The following MDH1B variants were observed in gnomAD, a reference collection of about 807,000 sequenced individuals.
MDH1B encodes the protein putative malate dehydrogenase 1B.
A neutral mutation model predicts 61.4 loss-of-function variants in MDH1B; 60 were observed. The ratio of observed to expected loss-of-function variants is 0.98; its 90% CI spans 0.79 to 1.21. The LOEUF (loss-of-function observed/expected upper bound fraction) is 1.21, where lower values mean the gene tolerates loss of function less well. Ranked by LOEUF, MDH1B falls within the 50% of genes most tolerant of loss-of-function variation. The pLI is 0.00. For missense variants in MDH1B, 587 were observed against 632.1 expected (o/e 0.93, Z 0.76); for synonymous variants, 236 against 218.7 (o/e 1.08, Z -0.70).
Position 206,754,990 on chromosome 2 carries a change from TA to T in MDH1B, c.910+18del, listed in dbSNP as rs1469872626. ...TTGTTTCAAAATAAAAACAAAAACATAAAGAGACATTCACTCACATGAAGGA... is the reference window on the plus strand; with the variant it reads ...TTGTTTCAAAATAAAAACAAAAACATAAGAGACATTCACTCACATGAAGGA... On this transcript the variant is annotated intron_variant, in intron 5 of 11. Coordinates refer to ENST00000374412, the MANE Select transcript of MDH1B (RefSeq NM_001039845.3). 1.9e-6 allele frequency: 3 copies of T among 1,601,954 alleles called. No homozygotes were observed. Among genetic ancestry groups the T allele is most frequent in the Non-Finnish European group, 2.6e-6 (3 of 1,172,540 alleles).
intron 1 of MDH1B, among the ~76,000 whole-genome samples, chr2:206,761,977 C>T (rs940219606): frequency 2.0e-5 from 3 of 152,126 alleles, no homozygotes; most frequent in Non-Finnish European, 4.4e-5. Context: ...GATAAAAGCC[C>T]CTTATCCTGG....
At chr2:206,746,249 T>G (rs757903859) in intron 8 of MDH1B, 38 bp downstream of exon 8, 1 of 1,580,020 alleles carries the variant, frequency 6.3e-7, no homozygotes, top group African/African-American at 1.4e-5. Flanking sequence ...TTAAGGTCAT[T>G]ATCAAGGTCA....
intron 9 of MDH1B, among the ~76,000 whole-genome samples, chr2:206,742,957 T>C (rs1035959360): frequency 5.3e-5 from 8 of 152,104 alleles, no homozygotes; most frequent in African/African-American, 1.9e-4. Context: ...CTTTGTGATC[T>C]GCCCACCTCG....
At chr2:206,757,176 T>C in intron 3 of MDH1B, 61 bp downstream of exon 3, 1 of 1,546,232 alleles carries the variant, frequency 6.5e-7, no homozygotes, top group Non-Finnish European at 8.8e-7. Flanking sequence ...GCAAGATATT[T>C]GAAAAATAAA....
chr2:206,741,738 G>A (rs1010946734), intron 9 of MDH1B, among the ~76,000 whole-genome samples: 15 of 152,018 alleles, frequency 9.9e-5, no homozygotes, highest in Non-Finnish European at 1.6e-4. Context: ...GTCCCTCTAC[G>A]GAACCTTGAC....
In MDH1B at chr2:206,751,734, G is replaced by A. The variant is rs182691540; in HGVS notation, c.911-659C>T. ...TGAGAAAACAACTATTATACAAAGC[G>A]ATACATGCTAAGAAGTAAAATAAGA... On this transcript the variant is annotated intron_variant, in intron 5 of 11. Coordinates refer to ENST00000374412, the MANE Select transcript of MDH1B (RefSeq NM_001039845.3). Among the ~76,000 whole-genome samples, 29 of 152,268 alleles carry A rather than the reference G, an allele frequency of 1.9e-4. No individual in the cohort carries two copies. The East Asian group carries it at 2.1e-3, about 11-fold the overall frequency.
At chr2:206,752,239 T>G (rs1234442262) in intron 5 of MDH1B, among the ~76,000 whole-genome samples, 3 of 152,204 alleles carry the variant, frequency 2.0e-5, no homozygotes, top group Non-Finnish European at 4.4e-5. Context: ...TTGCCTTTTC[T>G]CTTTTCAAAA....
chr2:206,742,344 C>T (rs531072266), intron 9 of MDH1B, among the ~76,000 whole-genome samples: 4 of 152,278 alleles, frequency 2.6e-5, no homozygotes, highest in East Asian at 3.9e-4. Context: ...GGAATGGAGA[C>T]GTGTGGGAGA....
At position 206,748,637 on chromosome 2, in the gene MDH1B, A is replaced by C. The variant is rs149708281; in HGVS notation, c.1216+383T>G. Among the ~76,000 whole-genome samples, 93 of 152,258 alleles carry C rather than the reference A, an allele frequency of 6.1e-4. No homozygotes were observed. The East Asian group carries it at 0.017, about 28-fold the overall frequency. On this transcript the variant is annotated intron_variant, in intron 7 of 11. Transcript: ENST00000374412. ...TCAAAGCTCCTCATACTTTAGGCTT[A>C]CTGTAGTGTCACCTTCTTTATGAAG...
intron 4 of MDH1B, chr2:206,756,685 AT>A (rs1688778414): frequency 5.5e-6 from 3 of 543,048 alleles, no homozygotes; most frequent in Non-Finnish European, 6.4e-6. Flanking sequence ...GTTTGTGTCT[AT>A]AAAACATAAA....
intron 10 of MDH1B, 79 bp from the exon 11 acceptor site, chr2:206,739,740 T>C (rs1434189361): frequency 1.5e-6 from 2 of 1,297,610 alleles, no homozygotes; most frequent in Non-Finnish European, 2.2e-6. Flanking sequence ...TTCTTCTATC[T>C]TGTTCCTTCC....
At chr2:206,748,978 G>A in intron 7 of MDH1B, 42 bp downstream of exon 7, 3 of 1,568,992 alleles carry the variant, frequency 1.9e-6, no homozygotes, top group Non-Finnish European at 8.8e-7. Context: ...GTTATAGATA[G>A]AGGTTTTAAG....
At chr2:206,762,113 A>G (rs1689132891) in intron 1 of MDH1B, among the ~76,000 whole-genome samples, 1 of 152,104 alleles carries the variant, frequency 6.6e-6, no homozygotes, top group South Asian at 2.1e-4. Flanking sequence ...TTGGCCCTCA[A>G]CCCTGCGTGG....
chr2:206,751,326 A>G (rs767685044), intron 5 of MDH1B, among the ~76,000 whole-genome samples: 19 of 152,256 alleles, frequency 1.2e-4, no homozygotes, highest in African/African-American at 3.9e-4. Context: ...AAATAATGAA[A>G]TGTTCCTTGA....
At position 206,764,739 on chromosome 2, in the gene MDH1B, A is replaced by G. The variant is rs534090538; in HGVS notation, c.22+511T>C. The stretch of plus-strand genomic sequence containing the variant: ...CTTTGCTTGACCTACATGAAATGCA[A>G]GGACCTGGCTCCTGCTCCTGTTGTA... On this transcript the variant is annotated intron_variant, in intron 1 of 11. Coordinates refer to ENST00000374412, the MANE Select transcript of MDH1B (RefSeq NM_001039845.3). 3.9e-5 allele frequency among the ~76,000 whole-genome samples: 6 copies of G among 152,340 alleles called. No homozygotes were observed. The South Asian group carries it at 1.0e-3, about 26-fold the overall frequency.
chr2:206,754,107 C>T (rs1688613244), intron 5 of MDH1B, among the ~76,000 whole-genome samples: 1 of 151,980 alleles, frequency 6.6e-6, no homozygotes, highest in East Asian at 1.9e-4. Flanking sequence ...GCAAGAATAC[C>T]GGAAATTATT....
In MDH1B at chr2:206,757,254, A is replaced by G. The variant is rs1688816074; in HGVS notation, c.253T>C (p.Phe85Leu). The part of the protein sequence containing the change: ...KGLLLGGYNE[F>L]LEHAQLYYDV... The stretch of plus-strand genomic sequence containing the variant: ...TTATATACCTGAGCATGCTCCAGGA[A>G]CTCATTATATCCTCCCAAAAGCAAA... The change falls in exon 3 of 12, where the codon TTC (phenylalanine) becomes CTC (leucine). Residue 85 changes from phenylalanine (F) to leucine (L), a missense_variant. Phe to Leu is a conservative substitution (Grantham distance 22). Transcript: ENST00000374412. 2 of 1,613,748 alleles carry G rather than the reference A, an allele frequency of 1.2e-6. No individual in the cohort carries two copies. Among genetic ancestry groups the G allele is most frequent in the Non-Finnish European group, 1.7e-6 (2 of 1,179,694 alleles).
chr2:206,747,520 GC>G (rs1431642751), intron 7 of MDH1B, among the ~76,000 whole-genome samples: 1 of 151,698 alleles, frequency 6.6e-6, no homozygotes, highest in Admixed American at 6.6e-5. Context: ...CAATGTTCAT[GC>G]ACCTTAACTT....
chr2:206,738,292 G>T lies in MDH1B; in HGVS notation c.*191C>A, dbSNP rs1687601147. ...AATTATTATGAAACAAACATGAGTG[G>T]ATACAAGTAATGCAAAATGACGGAA... On this transcript the variant is annotated 3_prime_UTR_variant, in exon 12 of 12. Transcript: ENST00000374412. The T allele has an allele frequency of 2.4e-6, 1 of 423,150 alleles. No homozygotes were observed. The highest frequency in any genetic ancestry group is 8.4e-5 in the South Asian group (1 of 11,880). 26.2% of individuals were successfully genotyped at this position (423,150 alleles called of 1,614,324 possible).
Sources: allele counts gnomAD v4.1 joint callset (sites outside exome capture counted in the v4.1 genomes callset), GRCh38; gene constraint gnomAD v4.1.1; transcripts MANE v1.5; gene names NCBI Gene and HGNC (gene_info 2026-07-23, HGNC 2026-07-21).